Variants in MYH11 observed in about 807,000 individuals in gnomAD.
MYH11 encodes the protein myosin heavy chain 11.
A neutral mutation model predicts 246.6 loss-of-function variants in MYH11; 80 were observed. That is an observed-to-expected ratio of 0.32 (90% CI 0.27 to 0.39). The LOEUF (loss-of-function observed/expected upper bound fraction) is 0.39, where lower values mean the gene tolerates loss of function less well. Ranked by LOEUF, MYH11 falls within the 10% of genes least tolerant of loss-of-function variation. The probability of loss-of-function intolerance (pLI) is 1.00; values close to 1 mark genes in which losing one functional copy is unlikely to be tolerated. For synonymous variants in MYH11, 1,071 were observed against 1,015.5 expected, an observed-to-expected ratio of 1.05 and a Z score of -1.04; for missense variants, 2,158 against 2,546.8, an observed-to-expected ratio of 0.85 and a Z score of 3.29.
Position 15,727,039 on chromosome 16 carries a change from C to G in MYH11, c.3667G>C (p.Asp1223His), listed in dbSNP as rs1264829172. 6.2e-7 allele frequency: 1 copy of G among 1,611,800 alleles called. No individual in the cohort carries two copies. The highest frequency in any genetic ancestry group is 8.5e-7 in the Non-Finnish European group (1 of 1,178,890). ...TTCTCCAGCGTCTGCTTATTCTTGT[C>G]TAGGTTCGCCTTGGCCTGGCGAAGG... is the stretch of plus-strand genomic sequence containing the variant. ...EQFKRAKANL[D>H]KNKQTLEKEN... is the part of the protein sequence containing the mutation. The change falls in exon 28 of 41, where the codon GAC becomes CAC. Residue 1223 changes from aspartate (D) to histidine (H), a missense_variant. Physicochemically the swap from Asp to His is moderately conservative, Grantham distance 81. This residue lies in a region of MYH11 where 1,013 missense variants were observed against 993.5 expected (regional missense o/e 1.02). Transcript: ENST00000300036.
intron 9 of MYH11, among the ~76,000 whole-genome samples, chr16:15,768,108 C>T (rs2042023823): frequency 6.6e-6 from 1 of 151,998 alleles, no homozygotes; most frequent in Admixed American, 6.6e-5. Flanking sequence ...AGAACCCTGG[C>T]CTCCAGAACT....
chr16:15,795,240 C>T (rs1202598862), intron 4 of MYH11, among the ~76,000 whole-genome samples: 1 of 151,938 alleles, frequency 6.6e-6, no homozygotes, highest in East Asian at 1.9e-4. Context: ...TTGCAGTGAG[C>T]CAAGATCGCA....
chr16:15,849,625 T>A (rs1014386895), intron 1 of MYH11, among the ~76,000 whole-genome samples: 2 of 151,618 alleles, frequency 1.3e-5, no homozygotes, highest in Non-Finnish European at 2.9e-5. Flanking sequence ...AATTCTTGCA[T>A]TTTTTTGTAG....
intron 4 of MYH11, among the ~76,000 whole-genome samples, chr16:15,790,237 G>A (rs1387223372): frequency 6.6e-6 from 1 of 152,090 alleles, no homozygotes; most frequent in Non-Finnish European, 1.5e-5. Context: ...CCCAGGAGGC[G>A]GAGATTACAG....
intron 40 of MYH11, among the ~76,000 whole-genome samples, chr16:15,705,172 G>T (rs1274666873): frequency 1.3e-5 from 2 of 152,046 alleles, no homozygotes; most frequent in African/African-American, 4.8e-5. Context: ...AGCAGAGATG[G>T]GATTTTGCCA....
Position 15,798,666 on chromosome 16 carries a change from A to C in MYH11, c.524T>G (p.Leu175Arg). The change falls in exon 4 of 41, where the codon CTA becomes CGA. Residue 175 changes from leucine (L) to arginine (R), a missense_variant. Physicochemically the swap from Leu to Arg is moderately radical, Grantham distance 102. Around this residue, in one of 11 missense-constraint regions of MYH11, gnomAD observed 123 missense variants for 207.1 expected, o/e 0.59. Coordinates refer to ENST00000300036, the MANE Select transcript of MYH11 (RefSeq NM_002474.3). ...MLQDREDQSI[L>R]CTGESGAGKT... is the part of the protein sequence containing the mutation. ...AAAAAGCAGTTCCACTTACGTGCAT[A>C]GAATGGACTGGTCCTCCCGATCTGC... 1 of 1,611,242 alleles carries C rather than the reference A, an allele frequency of 6.2e-7. No homozygotes were observed. Among genetic ancestry groups the C allele is most frequent in the Non-Finnish European group, 8.5e-7 (1 of 1,179,402 alleles).
At chr16:15,722,888 C>T (rs1288021242) in intron 31 of MYH11, among the ~76,000 whole-genome samples, 5 of 152,134 alleles carry the variant, frequency 3.3e-5, no homozygotes, top group Non-Finnish European at 7.4e-5. Context: ...GGATTACAGG[C>T]GTGCGCCACC....
intron 1 of MYH11, among the ~76,000 whole-genome samples, chr16:15,852,153 G>T (rs1488445929): frequency 6.6e-6 from 1 of 152,040 alleles, no homozygotes; most frequent in Non-Finnish European, 1.5e-5. Context: ...AAGGGATCTA[G>T]GTTGTACGTT....
intron 3 of MYH11, among the ~76,000 whole-genome samples, chr16:15,811,473 C>A (rs1318413741): frequency 6.6e-6 from 1 of 152,078 alleles, no homozygotes; most frequent in Non-Finnish European, 1.5e-5. Flanking sequence ...GCTGAGTTTT[C>A]CCCATTGATC....
intron 38 of MYH11, 127 bp from the exon 39 acceptor site, chr16:15,715,399 G>T: frequency 4.9e-6 from 4 of 808,912 alleles, no homozygotes; most frequent in Middle Eastern, 3.2e-4. Context: ...TCAAGAATCA[G>T]TCAGATGGTG....
intron 31 of MYH11, 134 bp downstream of exon 31, chr16:15,724,025 AAG>A (rs1286443650): frequency 2.0e-6 from 3 of 1,464,470 alleles, no homozygotes; most frequent in Non-Finnish European, 2.8e-6. Context: ...AAGACAAGAT[AAG>A]ACAGCCTCCC....
chr16:15,742,822 AATTT>A (rs140508549), intron 20 of MYH11, among the ~76,000 whole-genome samples: 10,169 of 151,668 alleles, frequency 0.067, 801 homozygotes, highest in African/African-American at 0.19. Context: ...CTTTTAAGTT[AATTT>A]ATTTATTTAG....
intron 8 of MYH11, among the ~76,000 whole-genome samples, chr16:15,772,390 C>T (rs1441906781): frequency 6.6e-6 from 1 of 152,056 alleles, no homozygotes; most frequent in Non-Finnish European, 1.5e-5. Flanking sequence ...CCGCACCTGG[C>T]CTTATTCATG....
intron 2 of MYH11, among the ~76,000 whole-genome samples, chr16:15,836,085 C>G (rs2043884299): frequency 6.6e-6 from 1 of 152,036 alleles, no homozygotes; most frequent in South Asian, 2.1e-4. Context: ...ATCCATTTTA[C>G]AGAAAAGGAA....
intron 9 of MYH11, among the ~76,000 whole-genome samples, chr16:15,764,392 C>T (rs904727383): frequency 3.3e-5 from 5 of 152,002 alleles, no homozygotes; most frequent in Non-Finnish European, 1.5e-5. Context: ...GCCTGCGACC[C>T]CAGCACTTTG....
In MYH11 at chr16:15,852,540, T is replaced by C. The variant is rs2044357122; in HGVS notation, c.-18+4401A>G. ...TAGAGATAGGGTTTAGCAGAGACCA[T>C]GTTGGCCAGGCTGGTCTTGAACTCC... is the stretch of plus-strand genomic sequence containing the variant. On this transcript the variant is annotated intron_variant, in intron 1 of 40. Coordinates refer to ENST00000300036, the MANE Select transcript of MYH11 (RefSeq NM_002474.3). 2.0e-5 allele frequency among the ~76,000 whole-genome samples: 3 copies of C among 151,934 alleles called. No homozygotes were observed. The South Asian group carries it at 6.2e-4, about 32-fold the overall frequency.
intron 3 of MYH11, among the ~76,000 whole-genome samples, chr16:15,821,708 G>C (rs1299430130): frequency 7.2e-6 from 1 of 139,610 alleles, no homozygotes; most frequent in Admixed American, 7.0e-5. Flanking sequence ...CATGAGGTCA[G>C]GAGATCGAGA....
intron 3 of MYH11, among the ~76,000 whole-genome samples, chr16:15,809,071 C>T (rs1416820144): frequency 6.6e-6 from 1 of 152,082 alleles, no homozygotes; most frequent in Non-Finnish European, 1.5e-5. Flanking sequence ...CTAGCCAAGC[C>T]TACACTTCAC....
chr16:15,856,277 C>A (rs1209041072), intron 1 of MYH11, among the ~76,000 whole-genome samples: 1 of 145,602 alleles, frequency 6.9e-6, no homozygotes, highest in Non-Finnish European at 1.5e-5. Flanking sequence ...AACTAGATCA[C>A]AACCAGCCTT....
Sources: allele counts gnomAD v4.1 joint callset (sites outside exome capture counted in the v4.1 genomes callset), GRCh38; gene constraint gnomAD v4.1.1; regional missense constraint gnomAD v4.1.1; transcripts MANE v1.5; gene names NCBI Gene and HGNC (gene_info 2026-07-23, HGNC 2026-07-21).